Variants in GLIS3 observed in about 807,000 individuals in gnomAD.
GLIS3 encodes the protein zinc finger protein GLIS3.
GLIS3 carries 53 observed loss-of-function variants against 78.6 expected under a neutral mutation model. The observed-to-expected ratio is 0.67, with a 90% CI of 0.54 to 0.85. The LOEUF is 0.85. Among genes scored for constraint, GLIS3 ranks in the 40% least tolerant of loss-of-function variants. The probability of loss-of-function intolerance (pLI) is 0.00; values close to 1 mark genes in which losing one functional copy is unlikely to be tolerated. For synonymous variants in GLIS3, 684 were observed against 509.9 expected (o/e 1.34, Z -4.60); for missense variants, 1,703 against 1,231.1 (o/e 1.38, Z -5.74).
intron 2 of GLIS3, among the ~76,000 whole-genome samples, chr9:4,191,809 G>A (rs1427473729): frequency 3.3e-5 from 5 of 152,014 alleles, no homozygotes; most frequent in Non-Finnish European, 5.9e-5. Context: ...AAGGTCCAAG[G>A]AAATTGAAGA....
chr9:4,148,862 G>T (rs1834442043), intron 2 of GLIS3, among the ~76,000 whole-genome samples: 1 of 152,082 alleles, frequency 6.6e-6, no homozygotes, highest in African/African-American at 2.4e-5. Context: ...TTGTTGTCCT[G>T]GCCATTCCTA....
chr9:4,169,142 C>T lies in GLIS3; in HGVS notation c.389-43201G>A, dbSNP rs1816145699. On this transcript the variant is annotated intron_variant, in intron 2 of 10. Transcript: ENST00000381971. Reference sequence around the variant, plus strand: ...TAATTGTTGGTCAAGCTTTCTGCAGCTGTCCAACTATCAACTGGTACTCCT... The same window carrying T: ...TAATTGTTGGTCAAGCTTTCTGCAGTTGTCCAACTATCAACTGGTACTCCT... Among the ~76,000 whole-genome samples, 4 of 152,268 alleles carry T rather than the reference C, an allele frequency of 2.6e-5. 1 individual carries two copies. The East Asian group carries it at 5.8e-4, about 22-fold the overall frequency.
At chr9:4,277,388 T>C (rs1051385131) in intron 2 of GLIS3, among the ~76,000 whole-genome samples, 1 of 152,124 alleles carries the variant, frequency 6.6e-6, no homozygotes, top group Non-Finnish European at 1.5e-5. Context: ...ACACAAACAG[T>C]AAAAAATAAA....
chr9:4,372,191 G>T, the GLIS3 span, among the ~76,000 whole-genome samples: 8 of 152,212 alleles, frequency 5.3e-5, no homozygotes, highest in African/African-American at 1.9e-4. Flanking sequence ...GAGAGTGCCA[G>T]TTTCATCATG....
chr9:3,875,758 G>C (rs1403282024), intron 8 of GLIS3: 2 of 152,180 alleles, frequency 1.3e-5, no homozygotes, highest in African/African-American at 2.4e-5. Context: ...GCCCACTCCA[G>C]CTGGGAAGGC....
intron 4 of GLIS3, among the ~76,000 whole-genome samples, chr9:3,962,271 C>G (rs1478990343): frequency 1.3e-5 from 2 of 151,582 alleles, no homozygotes; most frequent in African/African-American, 4.9e-5. Flanking sequence ...AACTTTTGTT[C>G]TTTTCTTCCT....
chr9:3,876,657 A>C (rs189051361), intron 8 of GLIS3, among the ~76,000 whole-genome samples: 1 of 51,178 alleles, frequency 2.0e-5, no homozygotes. Flanking sequence ...AGAGAGAGAG[A>C]AAGAGAGAGA....
chr9:4,126,434 A>AT lies in GLIS3; in HGVS notation c.389-494dup, dbSNP rs1290212463. 1.2e-4 allele frequency among the ~76,000 whole-genome samples: 19 copies of AT among 152,116 alleles called. No homozygotes were observed. The East Asian group carries it at 2.7e-3, about 22-fold the overall frequency. ...GTCTGGCTGTGTCTCTCTACTCTTGATTTTTTTTCTCCTCATCTCAACACA... is the reference window on the plus strand; with the variant it reads ...GTCTGGCTGTGTCTCTCTACTCTTGATTTTTTTTTCTCCTCATCTCAACACA... On this transcript the variant is annotated intron_variant, in intron 2 of 10. Transcript: ENST00000381971.
At chr9:4,266,060 A>G (rs1442821697) in intron 2 of GLIS3, among the ~76,000 whole-genome samples, 1 of 152,034 alleles carries the variant, frequency 6.6e-6, no homozygotes, top group Non-Finnish European at 1.5e-5. Flanking sequence ...CTGGGACTAC[A>G]GGCACCCGCC....
the GLIS3 span, among the ~76,000 whole-genome samples, chr9:4,451,389 CAAT>C: frequency 1.3e-5 from 2 of 152,094 alleles, no homozygotes; most frequent in Non-Finnish European, 2.9e-5. Context: ...GACTCCCACA[CAAT>C]AATAATGGGG....
chr9:4,465,941 C>T, the GLIS3 span, among the ~76,000 whole-genome samples: 1 of 152,148 alleles, frequency 6.6e-6, no homozygotes, highest in Non-Finnish European at 1.5e-5. Context: ...AGTAAAAGAT[C>T]ACAGAGATGA....
At chr9:4,345,116 C>G (rs1817881779) in intron 2 of GLIS3, among the ~76,000 whole-genome samples, 1 of 152,162 alleles carries the variant, frequency 6.6e-6, no homozygotes, top group African/African-American at 2.4e-5. Flanking sequence ...GTTTCCCCCT[C>G]AGAGCAAAAG....
intron 4 of GLIS3, among the ~76,000 whole-genome samples, chr9:4,013,743 A>ACT (rs1822219979): frequency 6.6e-6 from 1 of 152,224 alleles, no homozygotes; most frequent in African/African-American, 2.4e-5. Flanking sequence ...TCTTGAGTTA[A>ACT]TAGAGTCTGA....
chr9:3,882,405 A>T (rs925744314), intron 7 of GLIS3, among the ~76,000 whole-genome samples: 1 of 152,226 alleles, frequency 6.6e-6, no homozygotes, highest in African/African-American at 2.4e-5. Context: ...TCAGGGTATC[A>T]GAGAAGCCTC....
the GLIS3 span, among the ~76,000 whole-genome samples, chr9:4,392,437 C>T: frequency 2.6e-5 from 4 of 152,114 alleles, no homozygotes; most frequent in African/African-American, 9.7e-5. Flanking sequence ...GTTTATCTTT[C>T]CCAGGGGATC....
upstream of GLIS3, chr9:4,348,481 C>T (rs1010756441): frequency 1.3e-5 from 2 of 152,234 alleles, no homozygotes; most frequent in Non-Finnish European, 1.5e-5. Context: ...AGTTTTTCTT[C>T]AAATTGATAA....
At chr9:4,365,406 A>T in the GLIS3 span, among the ~76,000 whole-genome samples, 1 of 152,040 alleles carries the variant, frequency 6.6e-6, no homozygotes, top group Non-Finnish European at 1.5e-5. Context: ...AAGTATAAAA[A>T]ATTAGCCTGG....
chr9:4,375,712 C>A, the GLIS3 span, among the ~76,000 whole-genome samples: 1 of 152,166 alleles, frequency 6.6e-6, no homozygotes, highest in East Asian at 1.9e-4. Flanking sequence ...AATATGTGCA[C>A]ATAAAACAAA....
chr9:4,186,266 G>A (rs918666652), intron 2 of GLIS3, among the ~76,000 whole-genome samples: 8 of 150,662 alleles, frequency 5.3e-5, no homozygotes, highest in African/African-American at 2.0e-4. Context: ...TTTTGTCCTT[G>A]CGATACTTTA....
Sources: allele counts gnomAD v4.1 joint callset (sites outside exome capture counted in the v4.1 genomes callset), GRCh38; gene constraint gnomAD v4.1.1; transcripts MANE v1.5; gene names NCBI Gene and HGNC (gene_info 2026-07-23, HGNC 2026-07-21).